PRDM16: variants seen among roughly 807,000 people sequenced by gnomAD.
The protein encoded by PRDM16 is PR/SET domain 16.
PRDM16 carries 23 observed loss-of-function variants against 110.6 expected under a neutral mutation model. The observed-to-expected ratio is 0.21, with a 90% CI of 0.15 to 0.29. PRDM16 has a LOEUF of 0.29. Among genes scored for constraint, PRDM16 ranks in the 10% least tolerant of loss-of-function variants. The probability of loss-of-function intolerance (pLI) is 1.00; values close to 1 mark genes in which losing one functional copy is unlikely to be tolerated. For synonymous variants in PRDM16, 799 were observed against 781.8 expected, an observed-to-expected ratio of 1.02 and a Z score of -0.37; for missense variants, 1,615 against 1,794.3, an observed-to-expected ratio of 0.90 and a Z score of 1.81.
chr1:3,259,319 C>T (rs545172008), intron 3 of PRDM16, among the ~76,000 whole-genome samples: 2 of 152,308 alleles, frequency 1.3e-5, no homozygotes, highest in East Asian at 1.9e-4. Flanking sequence ...GCCTGGGCCT[C>T]GTTCACCATG....
At chr1:3,142,755 G>C (rs1011791465) in intron 1 of PRDM16, among the ~76,000 whole-genome samples, 3 of 152,152 alleles carry the variant, frequency 2.0e-5, no homozygotes, top group African/African-American at 7.2e-5. Flanking sequence ...GATGTTTATA[G>C]AATTCCCTGC....
chr1:3,348,357 C>T (rs915894454), intron 3 of PRDM16, among the ~76,000 whole-genome samples: 2 of 152,174 alleles, frequency 1.3e-5, no homozygotes, highest in Admixed American at 6.5e-5. Flanking sequence ...CCAGGTCACT[C>T]GTTAGTATTC....
At chr1:3,267,411 G>A (rs1640320416) in intron 3 of PRDM16, among the ~76,000 whole-genome samples, 1 of 152,148 alleles carries the variant, frequency 6.6e-6, no homozygotes, top group South Asian at 2.1e-4. Context: ...CTATCCACTC[G>A]TCCCTGACCG....
chr1:3,200,083 T>C (rs1170255916), intron 2 of PRDM16, among the ~76,000 whole-genome samples: 1 of 152,260 alleles, frequency 6.6e-6, no homozygotes, highest in Non-Finnish European at 1.5e-5. Flanking sequence ...ACCTTCTTCA[T>C]TGTATCCCAG....
At chr1:3,205,267 T>C (rs943912853) in intron 2 of PRDM16, among the ~76,000 whole-genome samples, 5 of 151,954 alleles carry the variant, frequency 3.3e-5, no homozygotes, top group Non-Finnish European at 1.5e-5. Flanking sequence ...CCAAGGCGCC[T>C]TCTGAGCTCC....
intron 1 of PRDM16, among the ~76,000 whole-genome samples, chr1:3,140,008 G>A (rs564370300): frequency 1.1e-4 from 17 of 152,344 alleles, no homozygotes; most frequent in South Asian, 4.1e-4. Context: ...AGTCAGCCCC[G>A]GCGACGCATC....
At chr1:3,312,765 T>C (rs1305431923) in intron 3 of PRDM16, among the ~76,000 whole-genome samples, 1 of 152,262 alleles carries the variant, frequency 6.6e-6, no homozygotes, top group African/African-American at 2.4e-5. Context: ...GGCGGTATTT[T>C]CCTTTTATTG....
chr1:3,282,448 C>G (rs185635549), intron 3 of PRDM16, among the ~76,000 whole-genome samples: 9 of 152,194 alleles, frequency 5.9e-5, no homozygotes, highest in Non-Finnish European at 1.5e-5. Flanking sequence ...CTGGGGCCAG[C>G]GCCGCAGGGC....
intron 3 of PRDM16, among the ~76,000 whole-genome samples, chr1:3,330,471 C>G (rs1029155684): frequency 6.6e-6 from 1 of 152,220 alleles, no homozygotes. Context: ...CCTCACATGG[C>G]GCCCATTCTC....
At chr1:3,212,438 G>T (rs901178561) in intron 2 of PRDM16, among the ~76,000 whole-genome samples, 2 of 152,090 alleles carry the variant, frequency 1.3e-5, no homozygotes, top group Admixed American at 6.5e-5. Flanking sequence ...GCCTGGAGCC[G>T]GCCGGACGCT....
chr1:3,420,778 C>T (rs1242637381), intron 12 of PRDM16, among the ~76,000 whole-genome samples: 10 of 152,010 alleles, frequency 6.6e-5, no homozygotes, highest in African/African-American at 1.7e-4. Flanking sequence ...ATAGGCTTTG[C>T]GGGATTTGGG....
At chr1:3,249,005 CCACACACCCTGAGGT>C (rs1170300695) in intron 3 of PRDM16, among the ~76,000 whole-genome samples, 2 of 152,172 alleles carry the variant, frequency 1.3e-5, no homozygotes, top group Non-Finnish European at 2.9e-5. Context: ...CTGGAGGAGG[CCACACACCCTGAGGT>C]CTAAACGCAG....
At chr1:3,078,834 T>C (rs928131612) in intron 1 of PRDM16, among the ~76,000 whole-genome samples, 4 of 152,194 alleles carry the variant, frequency 2.6e-5, no homozygotes, top group African/African-American at 9.7e-5. Context: ...ACTATGGATT[T>C]CCATAATAGA....
intron 1 of PRDM16, among the ~76,000 whole-genome samples, chr1:3,170,733 G>A (rs1250611466): frequency 6.6e-6 from 1 of 152,174 alleles, no homozygotes; most frequent in Non-Finnish European, 1.5e-5. Flanking sequence ...ACCCACCATT[G>A]GCAACAAAGC....
intron 4 of PRDM16, among the ~76,000 whole-genome samples, chr1:3,392,641 T>G (rs1449667674): frequency 6.6e-6 from 1 of 152,218 alleles, no homozygotes; most frequent in Non-Finnish European, 1.5e-5. Context: ...AAAACTTTCT[T>G]TAAAGACCTG....
At chr1:3,178,701 A>G (rs1356005794) in intron 1 of PRDM16, among the ~76,000 whole-genome samples, 1 of 151,882 alleles carries the variant, frequency 6.6e-6, no homozygotes, top group African/African-American at 2.4e-5. Flanking sequence ...TGTCCCCACC[A>G]CCCACTTCCC....
rs186352919 is a variant in PRDM16, at chr1:3,081,691, G to A, written c.37+12395G>A. ...AGCTGGACCTCCTGGCCACACAGCCGCTTCCCACCCCTGGGTGTCGGTCAC... is the reference window on the plus strand; with the variant it reads ...AGCTGGACCTCCTGGCCACACAGCCACTTCCCACCCCTGGGTGTCGGTCAC... On this transcript the variant is annotated intron_variant, in intron 1 of 16. Coordinates refer to ENST00000270722, the MANE Select transcript of PRDM16 (RefSeq NM_022114.4). This position sits in a 1 kb window ranked among gnomAD's most constrained non-coding sequence, Gnocchi z 4.6. Among the ~76,000 whole-genome samples, 233 of 152,266 alleles carry A rather than the reference G, an allele frequency of 1.5e-3. No individual in the cohort carries two copies. Among genetic ancestry groups the A allele is most frequent in the African/African-American group, 4.8e-3 (201 of 41,560 alleles).
intron 3 of PRDM16, among the ~76,000 whole-genome samples, chr1:3,367,998 G>C (rs1642845099): frequency 6.6e-6 from 1 of 152,222 alleles, no homozygotes; most frequent in Admixed American, 6.5e-5. Flanking sequence ...CAGAGAGCTG[G>C]AGGAGGGGAC....
intron 3 of PRDM16, among the ~76,000 whole-genome samples, chr1:3,286,587 A>G (rs1387318037): frequency 1.3e-5 from 2 of 152,168 alleles, no homozygotes; most frequent in African/African-American, 4.8e-5. Flanking sequence ...ATGGACCCCC[A>G]GAGAAAGCTG....
Sources: allele counts gnomAD v4.1 joint callset (sites outside exome capture counted in the v4.1 genomes callset), GRCh38; gene constraint gnomAD v4.1.1; non-coding constraint Gnocchi (gnomAD v3.1); transcripts MANE v1.5; gene names NCBI Gene and HGNC (gene_info 2026-07-23, HGNC 2026-07-21).